MTMR7: variants seen among roughly 807,000 people sequenced by gnomAD.
MTMR7 encodes myotubularin related protein 7.
Under a neutral mutation model 81.2 loss-of-function variants are expected in MTMR7, and 76 were observed. The ratio of observed to expected loss-of-function variants is 0.94; its 90% confidence interval spans 0.78 to 1.13. The LOEUF (loss-of-function observed/expected upper bound fraction) is 1.13, where lower values mean the gene tolerates loss of function less well. Among genes scored for constraint, MTMR7 ranks in the 50% most tolerant of loss-of-function variants. The pLI is 0.00. For synonymous variants in MTMR7, 372 were observed against 289.8 expected (o/e 1.28, Z -2.88); for missense variants, 1,044 against 820.0 (o/e 1.27, Z -3.34).
intron 5 of MTMR7, among the ~76,000 whole-genome samples, chr8:17,345,287 G>A (rs561118723): frequency 6.6e-6 from 1 of 152,188 alleles, no homozygotes; most frequent in Non-Finnish European, 1.5e-5. Context: ...AACAGACCAG[G>A]TGCAGTTCCT....
chr8:17,390,734 T>A (rs749284971), intron 1 of MTMR7, among the ~76,000 whole-genome samples: 17 of 152,162 alleles, frequency 1.1e-4, no homozygotes, highest in African/African-American at 9.7e-5. Flanking sequence ...AACACATCGT[T>A]CTTCACAAGG....
At chr8:17,363,231 T>G (rs1420432154) in intron 3 of MTMR7, among the ~76,000 whole-genome samples, 1 of 152,214 alleles carries the variant, frequency 6.6e-6, no homozygotes, top group African/African-American at 2.4e-5. Flanking sequence ...CATCTCTAAG[T>G]ACCATTTTCA....
intron 7 of MTMR7, among the ~76,000 whole-genome samples, chr8:17,315,355 T>C (rs908378860): frequency 3.9e-5 from 6 of 151,992 alleles, no homozygotes; most frequent in African/African-American, 1.2e-4. Context: ...GGGAAATAAA[T>C]AGGTGGGGCA....
rs184181352 is a variant in MTMR7 at position 17,385,543 on chromosome 8, T to C, written c.25-12303A>G. ...GCTCTGCCTTCGTCTTCCGCCACGATTGTGAGGCCTTCCCAGCCATGTAGA... is the reference window on the plus strand; with the variant it reads ...GCTCTGCCTTCGTCTTCCGCCACGACTGTGAGGCCTTCCCAGCCATGTAGA... On this transcript the variant is annotated intron_variant, in intron 1 of 13. Transcript: ENST00000180173. 3.7e-3 allele frequency among the ~76,000 whole-genome samples: 568 copies of C among 152,256 alleles called. 6 individuals carry two copies. The highest frequency in any genetic ancestry group is 3.5e-3 in the Non-Finnish European group (237 of 68,022).
intron 1 of MTMR7, among the ~76,000 whole-genome samples, chr8:17,382,113 T>A (rs1454107966): frequency 6.6e-6 from 1 of 152,186 alleles, no homozygotes; most frequent in Non-Finnish European, 1.5e-5. Context: ...ATTAAGTCAC[T>A]CGGTAACCTG....
chr8:17,367,981 C>G lies in MTMR7; in HGVS notation c.310+3056G>C, dbSNP rs542630524. ...GACTTAAATGAATTCCCAAACATTTCTTCTTATGTAAAAAACAACTGTTTT... is the reference window on the plus strand; with the variant it reads ...GACTTAAATGAATTCCCAAACATTTGTTCTTATGTAAAAAACAACTGTTTT... On this transcript the variant is annotated intron_variant, in intron 3 of 13. Transcript: ENST00000180173. Among the ~76,000 whole-genome samples the G allele has an allele frequency of 5.3e-5, 8 of 150,318 alleles. No homozygotes were observed. In the South Asian group the frequency reaches 1.7e-3, roughly 32 times the overall value.
intron 4 of MTMR7, among the ~76,000 whole-genome samples, chr8:17,352,412 C>A (rs7812432): frequency 0.26 from 38,801 of 151,864 alleles, 6,824 homozygotes; most frequent in African/African-American, 0.49. Context: ...AATAAAATAA[C>A]GATGGGTCAT....
At chr8:17,396,320 T>G (rs1033000064) in intron 1 of MTMR7, among the ~76,000 whole-genome samples, 2 of 152,194 alleles carry the variant, frequency 1.3e-5, no homozygotes, top group African/African-American at 4.8e-5. Context: ...AAAGAGGCAC[T>G]GACAAGGGTA....
chr8:17,412,522 G>C (rs753637239), intron 1 of MTMR7, among the ~76,000 whole-genome samples: 1 of 152,190 alleles, frequency 6.6e-6, no homozygotes, highest in African/African-American at 2.4e-5. Flanking sequence ...CAACTGAGGA[G>C]GAAGATTTGG....
chr8:17,356,706 C>T (rs1339121102), intron 4 of MTMR7, among the ~76,000 whole-genome samples: 1 of 119,014 alleles, frequency 8.4e-6, no homozygotes, highest in Non-Finnish European at 1.7e-5. Context: ...AGAGTGAGGC[C>T]CTGTCTCAAT....
At chr8:17,399,817 G>A (rs1821367654) in intron 1 of MTMR7, among the ~76,000 whole-genome samples, 1 of 149,662 alleles carries the variant, frequency 6.7e-6, no homozygotes, top group East Asian at 2.0e-4. Flanking sequence ...GCCATCAACA[G>A]ACAAATGTAT....
chr8:17,327,353 C>T (rs1162312780), intron 7 of MTMR7, among the ~76,000 whole-genome samples: 1 of 152,192 alleles, frequency 6.6e-6, no homozygotes, highest in Admixed American at 6.5e-5. Flanking sequence ...TTACTGCAGC[C>T]TCAACCTCCC....
intron 1 of MTMR7, among the ~76,000 whole-genome samples, chr8:17,398,954 G>C (rs528973143): frequency 6.6e-6 from 1 of 152,086 alleles, no homozygotes; most frequent in African/African-American, 2.4e-5. Context: ...TAACTTCCGA[G>C]GGTTGAGGAT....
intron 6 of MTMR7, among the ~76,000 whole-genome samples, chr8:17,336,713 G>A (rs1235222484): frequency 1.3e-5 from 2 of 152,202 alleles, no homozygotes; most frequent in Non-Finnish European, 2.9e-5. Flanking sequence ...GGCAAGCGCT[G>A]CCTCGCCCTC....
intron 7 of MTMR7, among the ~76,000 whole-genome samples, chr8:17,321,925 G>A (rs1051602950): frequency 6.6e-6 from 1 of 152,308 alleles, no homozygotes; most frequent in African/African-American, 2.4e-5. Flanking sequence ...AATTTACTTA[G>A]AAGAAAATAA....
intron 6 of MTMR7, among the ~76,000 whole-genome samples, chr8:17,332,209 G>T (rs7461103): frequency 0.12 from 17,404 of 146,318 alleles, 1,306 homozygotes; most frequent in East Asian, 0.32. Context: ...CCTACACTGA[G>T]AACTCACCAC....
At position 17,329,970 on chromosome 8, in the gene MTMR7, G is replaced by A. The variant is rs145808093; in HGVS notation, c.865+1180C>T. Among the ~76,000 whole-genome samples the A allele has an allele frequency of 3.3e-3, 497 of 152,254 alleles. 3 individuals are homozygous for A. Among genetic ancestry groups the A allele is most frequent in the African/African-American group, 0.011 (474 of 41,564 alleles). On this transcript the variant is annotated intron_variant, in intron 7 of 13. Coordinates refer to ENST00000180173, the MANE Select transcript of MTMR7 (RefSeq NM_004686.5). ...GTAGGAAGGGATTTCTGCTACAGAGGGGCATCAAACTGTCACAGCTGGAAG... is the reference window on the plus strand; with the variant it reads ...GTAGGAAGGGATTTCTGCTACAGAGAGGCATCAAACTGTCACAGCTGGAAG...
intron 7 of MTMR7, among the ~76,000 whole-genome samples, chr8:17,315,327 C>G (rs1818007580): frequency 6.6e-6 from 1 of 152,004 alleles, no homozygotes; most frequent in Non-Finnish European, 1.5e-5. Context: ...CAGCGGCTGC[C>G]AGGGGTTAGG....
intron 1 of MTMR7, among the ~76,000 whole-genome samples, chr8:17,411,059 T>C (rs565582891): frequency 2.6e-5 from 4 of 152,206 alleles, no homozygotes; most frequent in Non-Finnish European, 5.9e-5. Flanking sequence ...TATATTTAAC[T>C]CTGCAAGCTC....
Sources: allele counts gnomAD v4.1 joint callset (sites outside exome capture counted in the v4.1 genomes callset), GRCh38; gene constraint gnomAD v4.1.1; transcripts MANE v1.5; gene names NCBI Gene and HGNC (gene_info 2026-07-23, HGNC 2026-07-21).